ACTR3C: variants seen among roughly 807,000 people sequenced by gnomAD.
The protein encoded by ACTR3C is actin-related protein 3C.
Under a neutral mutation model 26.3 loss-of-function variants are expected in ACTR3C, and 18 were observed. The observed-to-expected ratio is 0.68, with a 90% confidence interval of 0.47 to 1.01. ACTR3C has a LOEUF of 1.01. Ranked by LOEUF, ACTR3C falls within the 50% of genes least tolerant of loss-of-function variation. The pLI is 0.00. For missense variants in ACTR3C, 184 were observed against 250.7 expected (o/e 0.73, Z 1.80); for synonymous variants, 55 against 94.5 (o/e 0.58, Z 2.42).
At chr7:150,105,036 A>G in the ACTR3C span, among the ~76,000 whole-genome samples, 1,231 of 151,382 alleles carry the variant, frequency 8.1e-3, 36 homozygotes, top group African/African-American at 0.029. Flanking sequence ...TGAGCACATC[A>G]TCAAGTAAAT....
chr7:150,249,120 A>G, intron 6 of ACTR3C, 66 bp from the exon 7 acceptor site: 2 of 507,924 alleles, frequency 3.9e-6, no homozygotes, highest in South Asian at 6.2e-5. Context: ...AAGAGCTCAC[A>G]TTTGTATACT....
chr7:150,154,730 A>G, the ACTR3C span, among the ~76,000 whole-genome samples: 3 of 152,166 alleles, frequency 2.0e-5, no homozygotes, highest in Admixed American at 6.5e-5. Context: ...CACCACCCAG[A>G]AAATTCTCGT....
the ACTR3C span, among the ~76,000 whole-genome samples, chr7:149,925,066 A>T: frequency 2.0e-5 from 3 of 152,158 alleles, no homozygotes; most frequent in South Asian, 6.2e-4. Context: ...TAGGAATGAA[A>T]AAACTAACAA....
At chr7:150,285,215 C>T (rs1463230785) in intron 5 of ACTR3C, among the ~76,000 whole-genome samples, 1 of 151,958 alleles carries the variant, frequency 6.6e-6, no homozygotes, top group Non-Finnish European at 1.5e-5. Context: ...TGACAATATT[C>T]GTATTATGAG....
chr7:149,931,685 C>A, the ACTR3C span, among the ~76,000 whole-genome samples: 1 of 152,124 alleles, frequency 6.6e-6, no homozygotes, highest in Non-Finnish European at 1.5e-5. Flanking sequence ...GAAGAAGGGG[C>A]CACATCCCAG....
At chr7:149,970,986 G>A in the ACTR3C span, among the ~76,000 whole-genome samples, 2 of 152,126 alleles carry the variant, frequency 1.3e-5, no homozygotes, top group Non-Finnish European at 2.9e-5. Context: ...CTGAATTCCT[G>A]GAGCAATCAC....
chr7:150,204,889 G>C, the ACTR3C span, among the ~76,000 whole-genome samples: 1 of 151,928 alleles, frequency 6.6e-6, no homozygotes, highest in South Asian at 2.1e-4. Context: ...AGGAGGACTG[G>C]AGAGTGCAGA....
At chr7:149,976,638 A>C in the ACTR3C span, among the ~76,000 whole-genome samples, 1 of 151,978 alleles carries the variant, frequency 6.6e-6, no homozygotes, top group Non-Finnish European at 1.5e-5. Context: ...AGAAATCATA[A>C]CACAGTCAAG....
chr7:150,192,271 T>C, the ACTR3C span, among the ~76,000 whole-genome samples: 3 of 151,780 alleles, frequency 2.0e-5, no homozygotes, highest in Admixed American at 2.0e-4. Context: ...CTCTGCTTTT[T>C]AGAATATGTT....
chr7:150,205,358 A>G, the ACTR3C span, among the ~76,000 whole-genome samples: 1 of 152,240 alleles, frequency 6.6e-6, no homozygotes, highest in African/African-American at 2.4e-5. Context: ...GCAAGAAAAT[A>G]GATGCCTATA....
chr7:149,911,503 A>G, the ACTR3C span, among the ~76,000 whole-genome samples: 1 of 152,130 alleles, frequency 6.6e-6, no homozygotes, highest in South Asian at 2.1e-4. Flanking sequence ...CACCAGTTGT[A>G]AAAAAGGTAA....
chr7:149,925,977 C>T, the ACTR3C span, among the ~76,000 whole-genome samples: 31 of 152,136 alleles, frequency 2.0e-4, no homozygotes, highest in South Asian at 6.0e-3. Flanking sequence ...GCAGGAGAAT[C>T]GCTTGAATCC....
At chr7:150,039,630 A>G in the ACTR3C span, among the ~76,000 whole-genome samples, 1 of 132,500 alleles carries the variant, frequency 7.5e-6, no homozygotes, top group African/African-American at 2.7e-5. Context: ...TACTTGGACA[A>G]CTAACACCCA....
At chr7:150,294,052 C>T (rs914334588) in intron 2 of ACTR3C, among the ~76,000 whole-genome samples, 8 of 152,148 alleles carry the variant, frequency 5.3e-5, no homozygotes, top group Admixed American at 3.9e-4. Context: ...TGGTTTCCGG[C>T]GTGGGGCCAC....
chr7:150,108,188 GA>G, the ACTR3C span, among the ~76,000 whole-genome samples: 4 of 150,486 alleles, frequency 2.7e-5, no homozygotes, highest in East Asian at 7.8e-4. Context: ...ATGGCTATAG[GA>G]AGAAAAGGGC....
At chr7:150,176,360 T>C in the ACTR3C span, among the ~76,000 whole-genome samples, 4 of 150,888 alleles carry the variant, frequency 2.7e-5, no homozygotes, top group East Asian at 1.9e-4. Context: ...ACCTTTGTTA[T>C]GAAAGCCCTT....
the ACTR3C span, among the ~76,000 whole-genome samples, chr7:149,980,581 A>G: frequency 6.6e-6 from 1 of 152,238 alleles, no homozygotes; most frequent in Non-Finnish European, 1.5e-5. Flanking sequence ...TATTCAAGAC[A>G]GTAAATGTCC....
chr7:150,168,066 A>G, the ACTR3C span, among the ~76,000 whole-genome samples: 23 of 150,720 alleles, frequency 1.5e-4, no homozygotes, highest in East Asian at 3.8e-4. Flanking sequence ...AGAATTGAAC[A>G]TCTTCATTCA....
At chr7:149,949,666 A>G in the ACTR3C span, among the ~76,000 whole-genome samples, 1 of 147,144 alleles carries the variant, frequency 6.8e-6, no homozygotes, top group East Asian at 1.9e-4. Flanking sequence ...CTGACCTCTC[A>G]CTTTTGCCTG....
Sources: allele counts gnomAD v4.1 joint callset (sites outside exome capture counted in the v4.1 genomes callset), GRCh38; gene constraint gnomAD v4.1.1; transcripts MANE v1.5; gene names NCBI Gene and HGNC (gene_info 2026-07-23, HGNC 2026-07-21).